The following SLC25A40 variants were observed in gnomAD, a reference collection of about 807,000 sequenced individuals.
The protein encoded by SLC25A40 is solute carrier family 25 member 40.
SLC25A40 carries 41 observed loss-of-function variants against 46.5 expected under a neutral mutation model. That is an observed-to-expected ratio of 0.88 (90% CI 0.69 to 1.14). SLC25A40 has a LOEUF of 1.14. Ranked by LOEUF, SLC25A40 falls within the 50% of genes most tolerant of loss-of-function variation. SLC25A40 has a pLI of 0.00. For missense variants in SLC25A40, 386 were observed against 393.6 expected (o/e 0.98, Z 0.16); for synonymous variants, 126 against 127.5 (o/e 0.99, Z 0.08).
chr7:87,847,338 T>A (rs969877860), intron 7 of SLC25A40, among the ~76,000 whole-genome samples: 1 of 152,170 alleles, frequency 6.6e-6, no homozygotes, highest in African/African-American at 2.4e-5. Flanking sequence ...TTCATATACT[T>A]TACTTTTTCT....
chr7:87,848,576 A>T (rs1337933591), intron 6 of SLC25A40, among the ~76,000 whole-genome samples: 1 of 152,234 alleles, frequency 6.6e-6, no homozygotes, highest in Non-Finnish European at 1.5e-5. Context: ...ACATTTTTGT[A>T]CTGTGGACCA....
Position 87,856,295 on chromosome 7 carries a change from TG to T in SLC25A40, c.153del (p.Gly53GlufsTer59). On this transcript the variant is annotated frameshift_variant, in exon 4 of 12. Coordinates refer to ENST00000341119, the MANE Select transcript of SLC25A40 (RefSeq NM_018843.4). LOFTEE classifies it high-confidence loss of function. ...TTAGGGCAATTAGTACACATACCTT[TG>T]GGGAGTGGGTTGTTTTGGGCTTGGA... ...IRLQAQNNPL[P>X]KGKCFVYSNG... 6.2e-7 allele frequency: 1 copy of T among 1,611,686 alleles called. No homozygotes were observed. The highest frequency in any genetic ancestry group is 1.1e-5 in the South Asian group (1 of 90,976).
At chr7:87,850,038 T>C in intron 5 of SLC25A40, 90 bp from the exon 6 acceptor site, 2 of 814,012 alleles carry the variant, frequency 2.5e-6, no homozygotes, top group South Asian at 2.0e-5. Flanking sequence ...TTTCATTCTT[T>C]CAGGTATTTA....
intron 4 of SLC25A40, 111 bp downstream of exon 4, chr7:87,856,181 T>TA: frequency 1.0e-6 from 1 of 967,394 alleles, no homozygotes; most frequent in South Asian, 1.6e-5. Context: ...TTCATGAGGA[T>TA]AAAGAGGCAT....
At chr7:87,848,058 ATAAGCTAAAAAAGTCTTATATTTTGTG>A in intron 6 of SLC25A40, 81 bp from the exon 7 acceptor site, 7 of 1,452,746 alleles carry the variant, frequency 4.8e-6, no homozygotes, top group Non-Finnish European at 6.4e-6. Context: ...ATATTATTAT[ATAAGCTAAAAAAGTCTTATATTTTGTG>A]TAAGCTAAAA....
intron 8 of SLC25A40, among the ~76,000 whole-genome samples, chr7:87,845,272 T>C (rs900581420): frequency 1.3e-5 from 2 of 152,102 alleles, no homozygotes; most frequent in South Asian, 2.1e-4. Flanking sequence ...GGTTATTCAA[T>C]AGATCAGGGG....
At chr7:87,839,100 A>G (rs1238417143) in intron 10 of SLC25A40, among the ~76,000 whole-genome samples, 2 of 151,444 alleles carry the variant, frequency 1.3e-5, no homozygotes, top group Non-Finnish European at 3.0e-5. Flanking sequence ...ATTGTTTTCC[A>G]AAGTAGCTGT....
chr7:87,843,912 G>A, intron 8 of SLC25A40, 49 bp from the exon 9 acceptor site: 2 of 1,469,718 alleles, frequency 1.4e-6, no homozygotes, highest in South Asian at 1.2e-5. Flanking sequence ...ATAAAATGTG[G>A]ACTTTAATAA....
chr7:87,868,970 C>T (rs933236254), intron 1 of SLC25A40, among the ~76,000 whole-genome samples: 3 of 152,076 alleles, frequency 2.0e-5, no homozygotes, highest in African/African-American at 7.2e-5. Context: ...TATTAGCATA[C>T]AAAAATATAG....
At position 87,836,850 on chromosome 7, in the gene SLC25A40, CAATTT is replaced by C. The variant is rs754835183; in HGVS notation, c.824-45_824-41del. On this transcript the variant is annotated intron_variant, in intron 10 of 11. Coordinates refer to ENST00000341119, the MANE Select transcript of SLC25A40 (RefSeq NM_018843.4). ...AAAGAAATAATGCTATTATAAATAA[CAATTT>C]AATAATTCCTACTACAGATAACATA... 16 of 1,216,352 alleles carry C rather than the reference CAATTT, an allele frequency of 1.3e-5. No homozygotes were observed. The East Asian group carries it at 1.5e-4, about 12-fold the overall frequency. 75.3% of individuals were successfully genotyped at this position (1,216,352 alleles called of 1,614,324 possible). A position where few individuals can be genotyped will look rare whatever the true frequency, so the allele number is the denominator to read the frequency against.
At chr7:87,836,691 T>C (rs754551644) in intron 11 of SLC25A40, 39 bp downstream of exon 11, 4 of 1,327,570 alleles carry the variant, frequency 3.0e-6, no homozygotes, top group Admixed American at 4.5e-5. Context: ...TTAAAAGTAA[T>C]CATTCTATTC....
intron 1 of SLC25A40, among the ~76,000 whole-genome samples, chr7:87,874,134 T>C (rs761916838): frequency 6.6e-6 from 1 of 152,216 alleles, no homozygotes; most frequent in Non-Finnish European, 1.5e-5. Flanking sequence ...CCTTGGATAA[T>C]AGATTAGAAA....
At chr7:87,866,149 C>T (rs2131020131) in intron 1 of SLC25A40, among the ~76,000 whole-genome samples, 1 of 151,886 alleles carries the variant, frequency 6.6e-6, no homozygotes. Flanking sequence ...AGTTTTGCAC[C>T]TTCAAATGTT....
In SLC25A40 at chr7:87,834,813, C is replaced by T. The variant is rs1015929333; in HGVS notation, c.*1436G>A. ...GTGATGATTTTAAGAAGCCATAAAA[C>T]ATTTTAATGAAATATAAGAAAGTCA... On this transcript the variant is annotated 3_prime_UTR_variant, in exon 12 of 12. Coordinates refer to ENST00000341119, the MANE Select transcript of SLC25A40 (RefSeq NM_018843.4). 6.6e-6 allele frequency: 1 copy of T among 151,470 alleles called. No individual in the cohort carries two copies. The highest frequency in any genetic ancestry group is 2.4e-5 in the African/African-American group (1 of 41,344). The allele number at this position is 151,470 out of a possible 1,614,324, so 9.4% of individuals were successfully genotyped here. A position where few individuals can be genotyped will look rare whatever the true frequency, so the allele number is the denominator to read the frequency against.
chr7:87,842,854 A>G (rs1020509143), intron 9 of SLC25A40, among the ~76,000 whole-genome samples: 4 of 152,072 alleles, frequency 2.6e-5, no homozygotes, highest in African/African-American at 9.7e-5. Flanking sequence ...ACTTTCCTTC[A>G]TATTTCTGCA....
intron 1 of SLC25A40, among the ~76,000 whole-genome samples, chr7:87,875,746 C>T (rs1026795214): frequency 7.2e-5 from 11 of 152,174 alleles, no homozygotes; most frequent in Non-Finnish European, 1.3e-4. Context: ...CAGGACAGCG[C>T]AAATAGCCAA....
intron 5 of SLC25A40, among the ~76,000 whole-genome samples, chr7:87,851,147 G>T (rs1415461479): frequency 1.3e-5 from 2 of 152,088 alleles, no homozygotes; most frequent in Admixed American, 6.5e-5. Flanking sequence ...AATGTCCATA[G>T]AATTAATTAT....
At chr7:87,870,026 T>C (rs1248303878) in intron 1 of SLC25A40, among the ~76,000 whole-genome samples, 1 of 152,180 alleles carries the variant, frequency 6.6e-6, no homozygotes, top group Non-Finnish European at 1.5e-5. Flanking sequence ...ATTGTGGTAT[T>C]ACTTTGCATT....
At chr7:87,847,708 T>C in intron 7 of SLC25A40, 145 bp downstream of exon 7, 3 of 724,870 alleles carry the variant, frequency 4.1e-6, no homozygotes, top group East Asian at 3.5e-5. Flanking sequence ...GGAGTACCTA[T>C]ACTATATTAA....
Sources: allele counts gnomAD v4.1 joint callset (sites outside exome capture counted in the v4.1 genomes callset), GRCh38; gene constraint gnomAD v4.1.1; transcripts MANE v1.5; gene names NCBI Gene and HGNC (gene_info 2026-07-23, HGNC 2026-07-21).